KCNQ1: variants seen among roughly 807,000 people sequenced by gnomAD.
KCNQ1 encodes the protein potassium voltage-gated channel subfamily Q member 1.
A neutral mutation model predicts 72.4 loss-of-function variants in KCNQ1; 49 were observed. The observed-to-expected ratio is 0.68, with a 90% confidence interval of 0.54 to 0.86. The LOEUF (loss-of-function observed/expected upper bound fraction) is 0.86, where lower values mean the gene tolerates loss of function less well. KCNQ1 is among the 40% of genes least tolerant of loss of function. The pLI is 0.00. For missense variants in KCNQ1, 790 were observed against 945.1 expected (o/e 0.84, Z 2.15); for synonymous variants, 450 against 412.6 (o/e 1.09, Z -1.10).
rs867252201 is a variant in KCNQ1 at position 2,689,835 on chromosome 11, T to C, written c.1514+27754T>C. 6.3e-5 allele frequency: 25 copies of C among 398,664 alleles called. No individual in the cohort carries two copies. The Middle Eastern group carries it at 1.9e-3, about 30-fold the overall frequency. The allele number at this position is 398,664 out of a possible 1,614,324, so 24.7% of individuals were successfully genotyped here. A position where few individuals can be genotyped will look rare whatever the true frequency, so the allele number is the denominator to read the frequency against. On this transcript the variant is annotated intron_variant, in intron 11 of 15. Transcript: ENST00000155840. ...GTGGTGCTTGGCCCTCCCAGGTGCC[T>C]GGTTGTGGCCTGCCACTTAGCACCC...
At chr11:2,585,345 G>T (rs981900109) in intron 8 of KCNQ1, 38 bp downstream of exon 8, 1 of 1,574,094 alleles carries the variant, frequency 6.4e-7, no homozygotes, top group Non-Finnish European at 8.7e-7. Context: ...TGTCATTTTG[G>T]TCACTGTTAT....
Position 2,478,483 on chromosome 11 carries a change from G to A in KCNQ1, c.386+32999G>A, listed in dbSNP as rs568223165. ...AGAACAAAGGAACATCTTACATGAT[G>A]ACAGGCAAAGAGATAATGAAAACTG... On this transcript the variant is annotated intron_variant, in intron 1 of 15. Transcript: ENST00000155840. The surrounding 1 kb of genome is among the most constrained non-coding windows in gnomAD (Gnocchi z 4.0). 6.6e-6 allele frequency among the ~76,000 whole-genome samples: 1 copy of A among 152,284 alleles called. No homozygotes were observed. Among genetic ancestry groups the A allele is most frequent in the African/African-American group, 2.4e-5 (1 of 41,548 alleles).
At chr11:2,692,838 C>T (rs1850610412) in intron 11 of KCNQ1, 5 of 398,538 alleles carry the variant, frequency 1.3e-5, no homozygotes, top group Non-Finnish European at 2.2e-5. Flanking sequence ...ATTCCCCTGC[C>T]TGTTAGACAT....
At chr11:2,610,916 A>T (rs1422666431) in intron 10 of KCNQ1, 2 of 398,262 alleles carry the variant, frequency 5.0e-6, no homozygotes, top group Non-Finnish European at 8.8e-6. Context: ...GTTGGGTAAT[A>T]GTTCAATAAC....
chr11:2,523,379 T>C (rs1847426572), intron 1 of KCNQ1, among the ~76,000 whole-genome samples: 1 of 152,254 alleles, frequency 6.6e-6, no homozygotes, highest in Non-Finnish European at 1.5e-5. Context: ...TTCATATTTT[T>C]AGTAGAGACG....
chr11:2,662,430 C>A, intron 11 of KCNQ1: 1 of 505,048 alleles, frequency 2.0e-6, no homozygotes, highest in Non-Finnish European at 3.5e-6. Flanking sequence ...TAGCATTTCC[C>A]CATGGAACCC....
At chr11:2,648,981 C>CTTT in intron 10 of KCNQ1, 134 of 313,582 alleles carry the variant, frequency 4.3e-4, no homozygotes, top group East Asian at 2.4e-3. Flanking sequence ...TTTTCTTTTT[C>CTTT]TTTTTTTTTT....
At chr11:2,821,782 A>G (rs1179105003) in intron 15 of KCNQ1, among the ~76,000 whole-genome samples, 2 of 152,054 alleles carry the variant, frequency 1.3e-5, no homozygotes, top group South Asian at 2.1e-4. Flanking sequence ...TAAAGGGTGC[A>G]TCTTCCAAGC....
At chr11:2,619,405 CT>C (rs2133801683) in intron 10 of KCNQ1, 1 of 398,526 alleles carries the variant, frequency 2.5e-6, no homozygotes, top group East Asian at 3.6e-5. Context: ...TCATCAAATA[CT>C]TTTTGTGTGT....
At position 2,803,818 on chromosome 11, in the gene KCNQ1, C is replaced by T. The variant is rs990234767; in HGVS notation, c.1794+25781C>T. The stretch of plus-strand genomic sequence containing the variant: ...CCACCTCGGGCCCACCAGCTCCCAC[C>T]CTGCTATGCCCATGGACCCCAGGGT... On this transcript the variant is annotated intron_variant, in intron 15 of 15. Transcript: ENST00000155840. This position sits in a 1 kb window ranked among gnomAD's most constrained non-coding sequence, Gnocchi z 6.4. Among the ~76,000 whole-genome samples, 3 of 152,030 alleles carry T rather than the reference C, an allele frequency of 2.0e-5. No individual in the cohort carries two copies. Among genetic ancestry groups the T allele is most frequent in the Non-Finnish European group, 4.4e-5 (3 of 68,000 alleles).
chr11:2,453,078 A>T (rs1846137728), intron 1 of KCNQ1, among the ~76,000 whole-genome samples: 2 of 152,260 alleles, frequency 1.3e-5, no homozygotes, highest in Admixed American at 1.3e-4. Context: ...ACCACATAAG[A>T]AAGAAGCAAC....
At chr11:2,719,711 C>T (rs181336631) in intron 11 of KCNQ1, among the ~76,000 whole-genome samples, 3 of 152,178 alleles carry the variant, frequency 2.0e-5, no homozygotes, top group South Asian at 2.1e-4. Flanking sequence ...GTCCTGCCCT[C>T]GGATCATTTG....
rs1475340906 is a variant in KCNQ1, at chr11:2,667,918, C to T, written c.1514+5837C>T. The T allele has an allele frequency of 6.0e-5, 24 of 398,620 alleles. No homozygotes were observed. In the East Asian group the frequency reaches 8.5e-4, roughly 14 times the overall value. 24.7% of individuals were successfully genotyped at this position (398,620 alleles called of 1,614,324 possible). On this transcript the variant is annotated intron_variant, in intron 11 of 15. Transcript: ENST00000155840. Reference sequence around the variant, plus strand: ...TTGAGGCATCTTCAGTCCCTGGGACCCATGTGTGCAGCACCCGGAGGAAGC... The same window carrying T: ...TTGAGGCATCTTCAGTCCCTGGGACTCATGTGTGCAGCACCCGGAGGAAGC...
rs537605396 is a variant in KCNQ1 at position 2,570,082 on chromosome 11, G to A, written c.478-546G>A. On this transcript the variant is annotated intron_variant, in intron 2 of 15. Coordinates refer to ENST00000155840, the MANE Select transcript of KCNQ1 (RefSeq NM_000218.3). Reference sequence around the variant, plus strand: ...GATCTGGTGGGAAAGTGCTTATCACGGAGGGCACCCGGGGTTCCTGGCGTG... The same window carrying A: ...GATCTGGTGGGAAAGTGCTTATCACAGAGGGCACCCGGGGTTCCTGGCGTG... 2.0e-5 allele frequency among the ~76,000 whole-genome samples: 3 copies of A among 151,734 alleles called. No homozygotes were observed. The South Asian group carries it at 6.2e-4, about 31-fold the overall frequency.
At chr11:2,839,839 C>G (rs548748944) in intron 15 of KCNQ1, 1 of 152,188 alleles carries the variant, frequency 6.6e-6, no homozygotes, top group Non-Finnish European at 1.5e-5. Flanking sequence ...GCTCCCGTCG[C>G]CACTCCCCGA....
chr11:2,702,433 G>A (rs1022396607), intron 11 of KCNQ1, among the ~76,000 whole-genome samples: 2 of 152,100 alleles, frequency 1.3e-5, no homozygotes, highest in African/African-American at 2.4e-5. Flanking sequence ...CACTTAAAAT[G>A]GTGTCCACCC....
chr11:2,451,734 A>ACCTGGGG lies in KCNQ1; in HGVS notation c.386+6257_386+6263dup, dbSNP rs1198661562. ...AGGACAGGCCCCTGCCCGCTCTGGG[A>ACCTGGGG]CCTGGGGCCTGGGCTCTGCTCCCCA... On this transcript the variant is annotated intron_variant, in intron 1 of 15. Transcript: ENST00000155840. This position sits in a 1 kb window ranked among gnomAD's most constrained non-coding sequence, Gnocchi z 6.4. Among the ~76,000 whole-genome samples the ACCTGGGG allele has an allele frequency of 2.0e-5, 3 of 152,116 alleles. No individual in the cohort carries two copies. The highest frequency in any genetic ancestry group is 2.9e-5 in the Non-Finnish European group (2 of 68,008).
chr11:2,541,624 C>G lies in KCNQ1; in HGVS notation c.477+13606C>G, dbSNP rs181498612. On this transcript the variant is annotated intron_variant, in intron 2 of 15. Coordinates refer to ENST00000155840, the MANE Select transcript of KCNQ1 (RefSeq NM_000218.3). The surrounding 1 kb of genome is among the most constrained non-coding windows in gnomAD (Gnocchi z 4.8). ...CTTGTGAGCAGGGCTTTGTCCCCAC[C>G]GTTAGGATACTCTGAACGTTCCCAG... Among the ~76,000 whole-genome samples, 11 of 151,730 alleles carry G rather than the reference C, an allele frequency of 7.2e-5. No individual in the cohort carries two copies. The highest frequency in any genetic ancestry group is 7.2e-4 in the Admixed American group (11 of 15,248).
rs199473475 is a variant in KCNQ1, at chr11:2,588,782, C to T, written c.1321C>T (p.Pro441Ser). 45 of 1,613,336 alleles carry T rather than the reference C, an allele frequency of 2.8e-5. No individual in the cohort carries two copies. The highest frequency in any genetic ancestry group is 5.0e-5 in the Admixed American group (3 of 59,966). ...TCCTGGAGAGAAGATGCTCACAGTCCCCCATATCACGTGCGACCCCCCAGA... is the reference window on the plus strand; with the variant it reads ...TCCTGGAGAGAAGATGCTCACAGTCTCCCATATCACGTGCGACCCCCCAGA... ...VTPGEKMLTV[P>S]HITCDPPEER... Residue 441 changes from proline to serine, a missense_variant, in exon 10 of 16, where the codon CCC (proline) becomes TCC (serine). By Grantham distance (74) the Pro-to-Ser change is moderately conservative. Coordinates refer to ENST00000155840, the MANE Select transcript of KCNQ1 (RefSeq NM_000218.3). This position sits in a 1 kb window ranked among gnomAD's most constrained non-coding sequence, Gnocchi z 5.6.
Sources: gnomAD v4.1 joint callset for allele counts (sites outside exome capture counted in the v4.1 genomes callset) on GRCh38, gnomAD v4.1.1 for gene constraint, Gnocchi (gnomAD v3.1) non-coding constraint, MANE v1.5 for transcripts, NCBI Gene and HGNC (gene_info 2026-07-23, HGNC 2026-07-21) for gene names.